The following GRID2 variants were observed in gnomAD, a reference collection of about 807,000 sequenced individuals.
GRID2 encodes the protein glutamate ionotropic receptor delta type subunit 2.
GRID2 carries 33 observed loss-of-function variants against 114.8 expected under a neutral mutation model. The observed-to-expected ratio is 0.29, with a 90% confidence interval of 0.22 to 0.38. The LOEUF (loss-of-function observed/expected upper bound fraction) is 0.38. GRID2 is among the 10% of genes least tolerant of loss of function. GRID2 has a pLI of 1.00. For missense variants in GRID2, 1,184 were observed against 1,257.7 expected (o/e 0.94, Z 0.89); for synonymous variants, 505 against 449.9 (o/e 1.12, Z -1.55).
At chr4:92,634,193 C>T (rs940264343) in intron 2 of GRID2, among the ~76,000 whole-genome samples, 62 of 151,840 alleles carry the variant, frequency 4.1e-4, no homozygotes, top group African/African-American at 1.4e-3. Flanking sequence ...CATTCAAAGC[C>T]GTCCTGGGCC....
intron 1 of GRID2, among the ~76,000 whole-genome samples, chr4:92,405,007 C>A (rs1215609010): frequency 6.6e-6 from 1 of 151,954 alleles, no homozygotes; most frequent in African/African-American, 2.4e-5. Context: ...AGCTGCACAT[C>A]CTGCAAATTT....
intron 1 of GRID2, among the ~76,000 whole-genome samples, chr4:92,401,214 C>T (rs991975007): frequency 6.6e-6 from 1 of 152,112 alleles, no homozygotes; most frequent in African/African-American, 2.4e-5. Flanking sequence ...AGTTCATTTA[C>T]ATTTTTAACA....
At chr4:93,291,347 G>C (rs1753740401) in intron 8 of GRID2, among the ~76,000 whole-genome samples, 1 of 152,074 alleles carries the variant, frequency 6.6e-6, no homozygotes, top group African/African-American at 2.4e-5. Flanking sequence ...CATGTAATAG[G>C]GGTTTAGTTT....
At chr4:92,587,664 T>G (rs1199276213) in intron 1 of GRID2, among the ~76,000 whole-genome samples, 1 of 152,204 alleles carries the variant, frequency 6.6e-6, no homozygotes, top group African/African-American at 2.4e-5. Context: ...TTCTGTGTAC[T>G]TCCTTGCTGT....
At chr4:92,669,304 G>T (rs1326567896) in intron 2 of GRID2, among the ~76,000 whole-genome samples, 1 of 151,648 alleles carries the variant, frequency 6.6e-6, no homozygotes, top group African/African-American at 2.4e-5. Context: ...TGCCAGACAG[G>T]GTAGGTATGT....
chr4:93,721,156 T>C (rs1439741078), intron 14 of GRID2, among the ~76,000 whole-genome samples: 9 of 152,212 alleles, frequency 5.9e-5, no homozygotes, highest in Admixed American at 5.9e-4. Flanking sequence ...AACTTTGTGA[T>C]GTGTATTTCA....
Position 92,574,438 on chromosome 4 carries a change from T to A in GRID2, c.89-15693T>A, listed in dbSNP as rs374777045. Among the ~76,000 whole-genome samples, 275 of 146,630 alleles carry A rather than the reference T, an allele frequency of 1.9e-3. 2 individuals carry two copies. The highest frequency in any genetic ancestry group is 6.7e-3 in the African/African-American group (264 of 39,608). ...ATTTTTTTTTTTTTTTTTTTGTGGC[T>A]GGTAATGGTTTTTGCTTTCCATATT... is the stretch of plus-strand genomic sequence containing the variant. On this transcript the variant is annotated intron_variant, in intron 1 of 15. Transcript: ENST00000282020.
At chr4:92,371,701 C>G (rs960670390) in intron 1 of GRID2, among the ~76,000 whole-genome samples, 1 of 152,088 alleles carries the variant, frequency 6.6e-6, no homozygotes, top group Non-Finnish European at 1.5e-5. Flanking sequence ...GTTTTTATGC[C>G]TGCTATTACA....
Position 92,352,340 on chromosome 4 carries a change from TTTATTATTA to T in GRID2, c.88+47616_88+47624del, listed in dbSNP as rs138987661. Among the ~76,000 whole-genome samples, 530 of 147,132 alleles carry T rather than the reference TTTATTATTA, an allele frequency of 3.6e-3. 2 individuals carry two copies. Among genetic ancestry groups the T allele is most frequent in the African/African-American group, 0.013 (513 of 40,314 alleles). ...CTTGCCAAATGTTAAATTGGATTAT[TTTATTATTA>T]TTATTATTATTATTATTATATTTTT... On this transcript the variant is annotated intron_variant, in intron 1 of 15. Transcript: ENST00000282020.
At chr4:93,346,042 T>C (rs1201327863) in intron 8 of GRID2, among the ~76,000 whole-genome samples, 1 of 152,178 alleles carries the variant, frequency 6.6e-6, no homozygotes, top group Non-Finnish European at 1.5e-5. Flanking sequence ...TTTTAATTGC[T>C]ATAGCTTTGT....
intron 4 of GRID2, among the ~76,000 whole-genome samples, chr4:93,203,016 T>A (rs1174965370): frequency 2.0e-5 from 3 of 152,124 alleles, no homozygotes; most frequent in African/African-American, 7.2e-5. Context: ...CTCATTTAAG[T>A]GAGAGAACTC....
At chr4:93,230,438 T>G (rs540095006) in intron 7 of GRID2, among the ~76,000 whole-genome samples, 32 of 152,306 alleles carry the variant, frequency 2.1e-4, no homozygotes, top group African/African-American at 6.0e-4. Context: ...GAGCATTATC[T>G]GAAAAGAGGA....
intron 13 of GRID2, among the ~76,000 whole-genome samples, chr4:93,537,360 GAC>G (rs1732200218): frequency 1.3e-5 from 2 of 151,610 alleles, no homozygotes; most frequent in African/African-American, 4.8e-5. Flanking sequence ...TGAGAAGTAA[GAC>G]ACAGAGATTT....
chr4:93,217,914 A>G (rs997757650), intron 6 of GRID2, among the ~76,000 whole-genome samples: 9 of 152,054 alleles, frequency 5.9e-5, no homozygotes, highest in Non-Finnish European at 1.3e-4. Context: ...AATATTTACC[A>G]TAGGAAACAT....
Position 93,632,664 on chromosome 4 carries a change from T to G in GRID2, c.2360+6229T>G, listed in dbSNP as rs1362720973. 2.6e-5 allele frequency among the ~76,000 whole-genome samples: 4 copies of G among 152,172 alleles called. No individual in the cohort carries two copies. The East Asian group carries it at 7.7e-4, about 29-fold the overall frequency. On this transcript the variant is annotated intron_variant, in intron 14 of 15. Coordinates refer to ENST00000282020, the MANE Select transcript of GRID2 (RefSeq NM_001510.4). ...GTCAGGTAGCGTGATGCCTCCAGCTTTGTTCTTTTTGCTTAATATTGTCTT... is the reference window on the plus strand; with the variant it reads ...GTCAGGTAGCGTGATGCCTCCAGCTGTGTTCTTTTTGCTTAATATTGTCTT...
At chr4:93,726,662 G>T (rs569258116) in intron 14 of GRID2, among the ~76,000 whole-genome samples, 7 of 152,164 alleles carry the variant, frequency 4.6e-5, no homozygotes, top group Admixed American at 2.0e-4. Context: ...TTATCTCATT[G>T]AGCAGTGGTT....
intron 1 of GRID2, among the ~76,000 whole-genome samples, chr4:92,584,647 A>C (rs564536004): frequency 6.6e-6 from 1 of 152,152 alleles, no homozygotes; most frequent in Non-Finnish European, 1.5e-5. Context: ...GGCTTAAAAT[A>C]AATGGATTTA....
chr4:93,769,471 G>C, intron 15 of GRID2, 21 bp downstream of exon 15: 1 of 1,611,830 alleles, frequency 6.2e-7, no homozygotes. Context: ...GAGAGATTTG[G>C]CTCTAAATTG....
At chr4:92,473,334 T>A (rs750337864) in intron 1 of GRID2, among the ~76,000 whole-genome samples, 2 of 152,106 alleles carry the variant, frequency 1.3e-5, no homozygotes, top group Non-Finnish European at 2.9e-5. Context: ...GTAGCTTCTG[T>A]TGGATTTTCT....
Sources: gnomAD v4.1 joint callset for allele counts (sites outside exome capture counted in the v4.1 genomes callset) on GRCh38, gnomAD v4.1.1 for gene constraint, MANE v1.5 for transcripts, NCBI Gene and HGNC (gene_info 2026-07-23, HGNC 2026-07-21) for gene names.